WASHC2A: variants seen among roughly 807,000 people sequenced by gnomAD.
WASHC2A encodes WASH complex subunit 2A.
Under a neutral mutation model 140.3 loss-of-function variants are expected in WASHC2A, and 82 were observed. The observed-to-expected ratio is 0.58, with a 90% CI of 0.49 to 0.70. The LOEUF (loss-of-function observed/expected upper bound fraction) is 0.70. Ranked by LOEUF, WASHC2A falls within the 30% of genes least tolerant of loss-of-function variation. WASHC2A has a pLI of 0.00. For missense variants in WASHC2A, 985 were observed against 1,521.8 expected (o/e 0.65, Z 5.87); for synonymous variants, 340 against 560.8 (o/e 0.61, Z 5.56).
intron 16 of WASHC2A, among the ~76,000 whole-genome samples, chr10:50,098,339 C>A (rs1840704316): frequency 6.6e-6 from 1 of 151,916 alleles, no homozygotes; most frequent in South Asian, 2.1e-4. Flanking sequence ...CCTCTCTTGT[C>A]CCCAAAATGC....
intron 3 of WASHC2A, chr10:50,078,157 AT>A (rs1386320209): frequency 1.2e-5 from 10 of 814,374 alleles, no homozygotes; most frequent in Non-Finnish European, 1.7e-5. Context: ...TCAGTGGTAG[AT>A]TTTTCTCTCT....
At position 50,105,977 on chromosome 10, in the gene WASHC2A, G is replaced by T. The variant is rs1477333888; in HGVS notation, c.1738-357G>T. On this transcript the variant is annotated intron_variant, in intron 18 of 30. Transcript: ENST00000282633. ...GTGTGAGTTTCTGGCTGCTGCGGGGGCTCCCGTGCCCATTGCAGGCTGTAA... is the reference window on the plus strand; with the variant it reads ...GTGTGAGTTTCTGGCTGCTGCGGGGTCTCCCGTGCCCATTGCAGGCTGTAA... Among the ~76,000 whole-genome samples, 446 of 152,294 alleles carry T rather than the reference G, an allele frequency of 2.9e-3. 4 individuals are homozygous for T. Among genetic ancestry groups the T allele is most frequent in the African/African-American group, 0.01 (423 of 41,558 alleles).
Position 50,131,061 on chromosome 10 carries a change from T to C in WASHC2A, c.3869T>C (p.Ile1290Thr). 1.2e-6 allele frequency: 2 copies of C among 1,611,880 alleles called. No individual in the cohort carries two copies. Among genetic ancestry groups the C allele is most frequent in the Non-Finnish European group, 1.7e-6 (2 of 1,179,814 alleles). ...AAAAAGAAAGTGGAAGCCAAGTCTA[T>C]ATTTGATGATGATATGGGTAAGTTT... Reference protein sequence around the residue: ...KSKKKVEAKSIFDDDMDDIFS... With the variant: ...KSKKKVEAKSTFDDDMDDIFS... Residue 1290 changes from isoleucine to threonine, a missense_variant, in exon 30 of 31, where the codon ATA becomes ACA. Transcript: ENST00000282633.
intron 23 of WASHC2A, among the ~76,000 whole-genome samples, chr10:50,120,618 C>CAAAAAAA (rs1161708139): frequency 2.6e-5 from 1 of 37,838 alleles, no homozygotes; most frequent in Non-Finnish European, 4.8e-5. Context: ...GACTCCATCT[C>CAAAAAAA]AAAAAAAAAA....
intron 17 of WASHC2A, among the ~76,000 whole-genome samples, chr10:50,102,558 AC>A (rs1841305288): frequency 6.6e-6 from 1 of 151,812 alleles, no homozygotes; most frequent in Admixed American, 6.6e-5. Flanking sequence ...ATCTAAATAA[AC>A]CCATGGGACT....
chr10:50,093,419 A>G, intron 12 of WASHC2A, 33 bp downstream of exon 12: 2 of 1,209,716 alleles, frequency 1.7e-6, no homozygotes, highest in Non-Finnish European at 2.3e-6. Flanking sequence ...CACTCCCTGC[A>G]GCTAGCTGTG....
At chr10:50,105,749 G>A (rs1449629328) in intron 18 of WASHC2A, among the ~76,000 whole-genome samples, 3 of 147,778 alleles carry the variant, frequency 2.0e-5, no homozygotes, top group African/African-American at 7.5e-5. Flanking sequence ...ATTTACAAAT[G>A]CCATTAAACT....
chr10:50,074,989 T>G (rs1174597435), intron 3 of WASHC2A, among the ~76,000 whole-genome samples: 1 of 152,022 alleles, frequency 6.6e-6, no homozygotes, highest in Non-Finnish European at 1.5e-5. Context: ...TAACCAACCA[T>G]TGAACTTTTC....
At position 50,106,370 on chromosome 10, in the gene WASHC2A, A is replaced by G. The variant is rs1452592291; in HGVS notation, c.1774A>G (p.Thr592Ala). 1.9e-6 allele frequency: 3 copies of G among 1,611,864 alleles called. No individual in the cohort carries two copies. In the African/African-American group the frequency reaches 4.0e-5, roughly 22 times the overall value. ...LFGGTAAKKQTLCLQAQREEK... is the reference protein window; with the variant it reads ...LFGGTAAKKQALCLQAQREEK... ...TGGGGGTACAGCTGCTAAGAAGCAG[A>G]CATTGTGTCTACAAGCTCAGAGAGA... is the stretch of plus-strand genomic sequence containing the variant. The change falls in exon 19 of 31, where the codon ACA becomes GCA. Residue 592 changes from threonine to alanine, a missense_variant. Physicochemically the swap from Thr to Ala is moderately conservative, Grantham distance 58. Coordinates refer to ENST00000282633, the MANE Select transcript of WASHC2A (RefSeq NM_001005751.3).
At position 50,120,385 on chromosome 10, in the gene WASHC2A, G is replaced by A. The variant is rs1248554958; in HGVS notation, c.2478+616G>A. ...ACCTGTAATCCCAGCACTTTAGGAG[G>A]CCAAGGTGGGTGGATCACAAGGTCA... On this transcript the variant is annotated intron_variant, in intron 23 of 30. Transcript: ENST00000282633. Among the ~76,000 whole-genome samples the A allele has an allele frequency of 2.5e-4, 37 of 146,056 alleles. 1 individual carries two copies. Among genetic ancestry groups the A allele is most frequent in the African/African-American group, 9.2e-4 (34 of 36,814 alleles).
At chr10:50,081,081 T>G (rs1434380141) in intron 5 of WASHC2A, 150 bp downstream of exon 5, 1 of 803,936 alleles carries the variant, frequency 1.2e-6, no homozygotes, top group Non-Finnish European at 2.0e-6. Flanking sequence ...AAAGACTCGC[T>G]TTACCTGAGC....
chr10:50,132,647 C>T (rs1844083495), intron 30 of WASHC2A, among the ~76,000 whole-genome samples, 159 bp from the exon 31 acceptor site: 1 of 152,190 alleles, frequency 6.6e-6, no homozygotes, highest in African/African-American at 2.4e-5. Context: ...GAGTAACAAA[C>T]ACAGAACCAG....
At chr10:50,084,705 A>G (rs1839231931) in intron 6 of WASHC2A, among the ~76,000 whole-genome samples, 1 of 148,030 alleles carries the variant, frequency 6.8e-6, no homozygotes, top group Admixed American at 6.8e-5. Context: ...CTGGGATTAC[A>G]AGCATGAGCC....
chr10:50,103,679 C>G lies in WASHC2A; in HGVS notation c.1636-363C>G, dbSNP rs557847120. Among the ~76,000 whole-genome samples, 332 of 152,320 alleles carry G rather than the reference C, an allele frequency of 2.2e-3. 2 individuals are homozygous for G. Among genetic ancestry groups the G allele is most frequent in the African/African-American group, 7.7e-3 (321 of 41,564 alleles). ...TGTTTCTTTATTGACCCTGTCTAAT[C>G]TTTGATTCTTTAGACGGTAATGGGA... On this transcript the variant is annotated intron_variant, in intron 17 of 30. Transcript: ENST00000282633.
intron 20 of WASHC2A, chr10:50,112,175 C>A: frequency 1.0e-6 from 1 of 981,782 alleles, no homozygotes. Context: ...CCATGAGTGT[C>A]CACTACCCCC....
rs1214596899 is a variant in WASHC2A, at chr10:50,090,515, A to AAAATATATATATATTT, written c.733-260_733-259insAATATATATATATTTA. Reference sequence around the variant, plus strand: ...TAGACTCCATCTCAAAAAAAAAAAAAATATATATATATATATTTATATTTA... The same window carrying AAAATATATATATATTT: ...TAGACTCCATCTCAAAAAAAAAAAAAAAATATATATATATTTATATATATATATATATTTATATTTA... On this transcript the variant is annotated intron_variant, in intron 8 of 30. Coordinates refer to ENST00000282633, the MANE Select transcript of WASHC2A (RefSeq NM_001005751.3). Among the ~76,000 whole-genome samples the AAAATATATATATATTT allele has an allele frequency of 2.2e-3, 238 of 108,634 alleles. 1 individual carries two copies. Among genetic ancestry groups the AAAATATATATATATTT allele is most frequent in the Admixed American group, 3.3e-3 (27 of 8,116 alleles). 71.3% of individuals were successfully genotyped at this position (108,634 alleles called of 152,430 possible). A position where few individuals can be genotyped will look rare whatever the true frequency, so the allele number is the denominator to read the frequency against.
chr10:50,080,072 C>T (rs1188141148), intron 4 of WASHC2A, among the ~76,000 whole-genome samples: 7 of 151,518 alleles, frequency 4.6e-5, no homozygotes, highest in Admixed American at 2.0e-4. Flanking sequence ...AAATATTTTT[C>T]GGTATTTCTC....
intron 8 of WASHC2A, among the ~76,000 whole-genome samples, chr10:50,089,966 C>T (rs1343072524): frequency 4.6e-5 from 7 of 151,384 alleles, no homozygotes; most frequent in South Asian, 4.2e-4. Flanking sequence ...AAAAATTAGC[C>T]GGGCGTGGTG....
chr10:50,084,287 G>C, intron 6 of WASHC2A, 122 bp downstream of exon 6: 1 of 911,212 alleles, frequency 1.1e-6, no homozygotes, highest in Non-Finnish European at 1.6e-6. Flanking sequence ...CTTCACCTGG[G>C]TTTACCAGTT....
Sources: allele counts gnomAD v4.1 joint callset (sites outside exome capture counted in the v4.1 genomes callset), GRCh38; gene constraint gnomAD v4.1.1; transcripts MANE v1.5; gene names NCBI Gene and HGNC (gene_info 2026-07-23, HGNC 2026-07-21).